Variants in TMEM132D observed in about 807,000 individuals in gnomAD.
TMEM132D encodes transmembrane protein 132D.
In TMEM132D, 21 loss-of-function variants were observed where a neutral mutation model predicts 62.3. The observed-to-expected ratio is 0.34, with a 90% CI of 0.24 to 0.49. The LOEUF is 0.49. Ranked by LOEUF, TMEM132D falls within the 20% of genes least tolerant of loss-of-function variation. TMEM132D has a pLI of 0.99. For synonymous variants in TMEM132D, 621 were observed against 575.6 expected, an observed-to-expected ratio of 1.08 and a Z score of -1.13; for missense variants, 1,346 against 1,402.8, an observed-to-expected ratio of 0.96 and a Z score of 0.65.
At position 129,566,749 on chromosome 12, in the gene TMEM132D, T is replaced by C. The variant is rs557474134; in HGVS notation, c.969-35544A>G. Among the ~76,000 whole-genome samples, 6 of 152,346 alleles carry C rather than the reference T, an allele frequency of 3.9e-5. No homozygotes were observed. The South Asian group carries it at 1.2e-3, about 32-fold the overall frequency. ...ATTAACTAAGAGCCTGGCACCATTT[T>C]ATGTCTGATAAAAAACATTTATAAT... is the stretch of plus-strand genomic sequence containing the variant. On this transcript the variant is annotated intron_variant, in intron 2 of 8. Coordinates refer to ENST00000422113, the MANE Select transcript of TMEM132D (RefSeq NM_133448.3).
chr12:129,852,582 A>T (rs138223307), intron 1 of TMEM132D: 1 of 152,318 alleles, frequency 6.6e-6, no homozygotes, highest in African/African-American at 2.4e-5. Context: ...ACAATGTACA[A>T]CCAATTCTTT....
intron 5 of TMEM132D, among the ~76,000 whole-genome samples, chr12:129,173,539 C>T (rs1877799250): frequency 6.6e-6 from 1 of 152,164 alleles, no homozygotes. Context: ...AGTGGATGAT[C>T]TTTATAACAC....
At chr12:129,089,599 CGGGGTGTCCTCCCTGACG>C (rs1374861502) in intron 5 of TMEM132D, among the ~76,000 whole-genome samples, 2 of 151,380 alleles carry the variant, frequency 1.3e-5, no homozygotes, top group East Asian at 3.9e-4. Context: ...CCTCCCTGAC[CGGGGTGTCCTCCCTGACG>C]GGGGCCTTGC....
At chr12:129,414,862 T>C (rs898967190) in intron 3 of TMEM132D, among the ~76,000 whole-genome samples, 1 of 152,096 alleles carries the variant, frequency 6.6e-6, no homozygotes, top group Non-Finnish European at 1.5e-5. Flanking sequence ...ACTATTCTAC[T>C]CTCTGTTTCT....
In TMEM132D at chr12:129,542,502, G is replaced by A. The variant is rs529906117; in HGVS notation, c.969-11297C>T. Among the ~76,000 whole-genome samples the A allele has an allele frequency of 9.9e-5, 15 of 152,038 alleles. 1 individual carries two copies. Among genetic ancestry groups the A allele is most frequent in the South Asian group, 2.1e-4 (1 of 4,796 alleles). On this transcript the variant is annotated intron_variant, in intron 2 of 8. Coordinates refer to ENST00000422113, the MANE Select transcript of TMEM132D (RefSeq NM_133448.3). ...TTTCATTGAAAAATGGTATAGAAAC[G>A]TTATAAATATTCAAATGGCATGAAT...
rs56128227 is a variant in TMEM132D at position 129,191,292 on chromosome 12, GACACACAC to G, written c.1443+18220_1443+18227del. Among the ~76,000 whole-genome samples, 700 of 145,224 alleles carry G rather than the reference GACACACAC, an allele frequency of 4.8e-3. 2 individuals are homozygous for G. The highest frequency in any genetic ancestry group is 6.0e-3 in the Non-Finnish European group (400 of 66,436). On this transcript the variant is annotated intron_variant, in intron 5 of 8. Transcript: ENST00000422113. ...GAAAAGACACAGAGAAGGGAAATAG[GACACACAC>G]ACACACACACACACACACACACACA...
chr12:129,118,524 A>C (rs1165609713), intron 5 of TMEM132D, among the ~76,000 whole-genome samples: 1 of 152,214 alleles, frequency 6.6e-6, no homozygotes, highest in Admixed American at 6.5e-5. Flanking sequence ...AGACAGCTCC[A>C]GTTTCCATTA....
intron 2 of TMEM132D, among the ~76,000 whole-genome samples, chr12:129,629,482 C>T (rs1022589960): frequency 6.6e-6 from 1 of 152,140 alleles, no homozygotes; most frequent in South Asian, 2.1e-4. Context: ...AGAAAATATT[C>T]TCCACCCTCC....
At chr12:129,747,703 AAC>A (rs1015047549) in intron 1 of TMEM132D, among the ~76,000 whole-genome samples, 1 of 145,312 alleles carries the variant, frequency 6.9e-6, no homozygotes, top group Non-Finnish European at 1.5e-5. Flanking sequence ...AGACACACTC[AAC>A]ACACACTCAG....
At chr12:129,254,389 G>C (rs1020110435) in intron 4 of TMEM132D, among the ~76,000 whole-genome samples, 1 of 152,164 alleles carries the variant, frequency 6.6e-6, no homozygotes, top group Admixed American at 6.5e-5. Context: ...CGGTGTCTGT[G>C]CTTCTTAGCG....
intron 3 of TMEM132D, among the ~76,000 whole-genome samples, chr12:129,394,222 T>C (rs1236680771): frequency 6.6e-6 from 1 of 152,128 alleles, no homozygotes; most frequent in Admixed American, 6.6e-5. Context: ...GCTTTTACTG[T>C]CAATTACAGT....
intron 3 of TMEM132D, among the ~76,000 whole-genome samples, chr12:129,386,030 T>C (rs1871097129): frequency 6.6e-6 from 1 of 152,220 alleles, no homozygotes; most frequent in Non-Finnish European, 1.5e-5. Flanking sequence ...GATTTGTCTT[T>C]ACAAATGGCT....
intron 2 of TMEM132D, among the ~76,000 whole-genome samples, chr12:129,689,636 C>T (rs1053000917): frequency 2.6e-4 from 39 of 152,326 alleles, no homozygotes; most frequent in African/African-American, 8.4e-4. Flanking sequence ...TGAGTTTCTT[C>T]TAAGCCAATT....
intron 4 of TMEM132D, among the ~76,000 whole-genome samples, chr12:129,314,824 G>C (rs947366545): frequency 6.6e-6 from 1 of 151,830 alleles, no homozygotes; most frequent in Non-Finnish European, 1.5e-5. Flanking sequence ...TTTCCTTGTA[G>C]AGGTCTTTCG....
At chr12:129,282,965 A>T (rs2135611436) in intron 4 of TMEM132D, among the ~76,000 whole-genome samples, 1 of 152,230 alleles carries the variant, frequency 6.6e-6, no homozygotes, top group African/African-American at 2.4e-5. Flanking sequence ...AGAATGCATG[A>T]GTTTTCTGGG....
intron 1 of TMEM132D, among the ~76,000 whole-genome samples, chr12:129,850,222 G>A (rs1001981701): frequency 4.6e-5 from 7 of 152,184 alleles, no homozygotes; most frequent in Admixed American, 3.9e-4. Context: ...CAATCTGGAA[G>A]GACGAGGAAC....
chr12:129,709,437 A>G (rs1881586958), intron 1 of TMEM132D, among the ~76,000 whole-genome samples: 1 of 152,222 alleles, frequency 6.6e-6, no homozygotes, highest in African/African-American at 2.4e-5. Flanking sequence ...TAGAAAATAA[A>G]CTACAATTTT....
At chr12:129,669,900 A>T (rs1029225888) in intron 2 of TMEM132D, among the ~76,000 whole-genome samples, 1 of 152,158 alleles carries the variant, frequency 6.6e-6, no homozygotes, top group Non-Finnish European at 1.5e-5. Flanking sequence ...CAAGTCTTGA[A>T]CACCCAGCCA....
At chr12:129,892,842 T>G (rs1874973646) in intron 1 of TMEM132D, among the ~76,000 whole-genome samples, 1 of 152,084 alleles carries the variant, frequency 6.6e-6, no homozygotes, top group South Asian at 2.1e-4. Context: ...AGTGGCCTGA[T>G]TTATGCATAA....
Sources: allele counts gnomAD v4.1 joint callset (sites outside exome capture counted in the v4.1 genomes callset), GRCh38; gene constraint gnomAD v4.1.1; transcripts MANE v1.5; gene names NCBI Gene and HGNC (gene_info 2026-07-23, HGNC 2026-07-21).